Variants in DIP2B observed in about 807,000 individuals in gnomAD.
The protein encoded by DIP2B is DIP2 acetate--CoA ligase B (putative).
A neutral mutation model predicts 198.0 loss-of-function variants in DIP2B; 76 were observed. The observed-to-expected ratio is 0.38, with a 90% CI of 0.32 to 0.46. The LOEUF is 0.46. DIP2B is among the 20% of genes least tolerant of loss of function. The probability of loss-of-function intolerance (pLI) is 0.99; values close to 1 mark genes in which losing one functional copy is unlikely to be tolerated. For missense variants in DIP2B, 1,559 were observed against 1,978.4 expected (o/e 0.79, Z 4.02); for synonymous variants, 701 against 739.1 (o/e 0.95, Z 0.84).
In DIP2B at chr12:50,748,164, GC is replaced by G. The variant is rs1940366096; in HGVS notation, c.*3327del. 6.6e-6 allele frequency: 1 copy of G among 152,550 alleles called. No homozygotes were observed. The highest frequency in any genetic ancestry group is 6.6e-5 in the Admixed American group (1 of 15,264). 9.4% of individuals were successfully genotyped at this position (152,550 alleles called of 1,614,324 possible). Reference sequence around the variant, plus strand: ...CCCAGGCATGGTGCTCTATATCTTGGCCAAATAAATTACTTTCCTTGAATAT... The same window carrying G: ...CCCAGGCATGGTGCTCTATATCTTGGCAAATAAATTACTTTCCTTGAATAT... On this transcript the variant is annotated 3_prime_UTR_variant, in exon 38 of 38. Transcript: ENST00000301180.
chr12:50,540,400 T>C lies in DIP2B; in HGVS notation c.100+35160T>C, dbSNP rs904535746. Among the ~76,000 whole-genome samples the C allele has an allele frequency of 8.7e-4, 124 of 143,286 alleles. No individual in the cohort carries two copies. The Middle Eastern group carries it at 0.012, about 14-fold the overall frequency. 94.0% of individuals were successfully genotyped at this position (143,286 alleles called of 152,430 possible). The stretch of plus-strand genomic sequence containing the variant: ...CTGGGATTACAGGCGTGAGCCACCG[T>C]GCCCAGCCAGCTATGAACATTTTTA... On this transcript the variant is annotated intron_variant, in intron 1 of 37. Transcript: ENST00000301180.
intron 1 of DIP2B, among the ~76,000 whole-genome samples, chr12:50,615,531 T>C (rs915109508): frequency 6.6e-6 from 1 of 152,234 alleles, no homozygotes; most frequent in South Asian, 2.1e-4. Flanking sequence ...GGAGCAACTT[T>C]AGTGATACTT....
chr12:50,728,118 C>G (rs879854876), intron 29 of DIP2B, among the ~76,000 whole-genome samples: 4 of 152,222 alleles, frequency 2.6e-5, no homozygotes, highest in Admixed American at 6.5e-5. Flanking sequence ...CGGTGGCTCA[C>G]GCCTGTTATC....
At chr12:50,677,042 A>G (rs1289910398) in intron 7 of DIP2B, among the ~76,000 whole-genome samples, 3 of 152,206 alleles carry the variant, frequency 2.0e-5, no homozygotes, top group Non-Finnish European at 4.4e-5. Context: ...ATTGAGCTAT[A>G]AAACATTTAT....
intron 1 of DIP2B, among the ~76,000 whole-genome samples, chr12:50,506,605 A>AGC (rs1957970542): frequency 6.6e-6 from 1 of 151,714 alleles, no homozygotes; most frequent in African/African-American, 2.4e-5. Flanking sequence ...TTCTTCGGCC[A>AGC]GTCCCGGGAA....
intron 4 of DIP2B, among the ~76,000 whole-genome samples, chr12:50,665,823 A>G (rs1041242088): frequency 5.9e-5 from 9 of 152,054 alleles, no homozygotes; most frequent in Non-Finnish European, 1.5e-5. Context: ...ACTCACGTGT[A>G]TGCATGGTAC....
intron 3 of DIP2B, among the ~76,000 whole-genome samples, chr12:50,643,142 T>C (rs2464125): frequency 0.96 from 146,158 of 152,176 alleles, 70,478 homozygotes; most frequent in East Asian, 1. Context: ...TGATTTTCAA[T>C]ATTCTATATC....
intron 1 of DIP2B, among the ~76,000 whole-genome samples, chr12:50,600,873 C>G (rs1958928296): frequency 6.6e-6 from 1 of 151,294 alleles, no homozygotes; most frequent in Non-Finnish European, 1.5e-5. Context: ...GGTCTTACCA[C>G]CATCACCACC....
Position 50,560,675 on chromosome 12 carries a change from C to T in DIP2B, c.100+55435C>T, listed in dbSNP as rs139090479. ...CTGAGGCATGAGAATTGCTTGAAGCCGGGAGGCAGAGGTTGCAGTAAGCTG... is the reference window on the plus strand; with the variant it reads ...CTGAGGCATGAGAATTGCTTGAAGCTGGGAGGCAGAGGTTGCAGTAAGCTG... On this transcript the variant is annotated intron_variant, in intron 1 of 37. Transcript: ENST00000301180. Among the ~76,000 whole-genome samples the T allele has an allele frequency of 7.4e-3, 1,129 of 152,276 alleles. 16 individuals carry two copies. Among genetic ancestry groups the T allele is most frequent in the African/African-American group, 0.025 (1,057 of 41,568 alleles).
intron 1 of DIP2B, among the ~76,000 whole-genome samples, chr12:50,593,281 C>T (rs1051593768): frequency 5.3e-5 from 8 of 151,990 alleles, no homozygotes; most frequent in Non-Finnish European, 8.8e-5. Flanking sequence ...CCAAGGTGGG[C>T]GGATCACGAG....
Position 50,649,974 on chromosome 12 carries a change from C to T in DIP2B, c.301+9122C>T, listed in dbSNP as rs149823603. On this transcript the variant is annotated intron_variant, in intron 3 of 37. Transcript: ENST00000301180. ...CTGTAATCCCAACACTTTGGAAAGC[C>T]GAGGCGGGTGGATCACCTGAAGTCA... Among the ~76,000 whole-genome samples the T allele has an allele frequency of 2.6e-3, 398 of 152,236 alleles. 1 individual carries two copies. The highest frequency in any genetic ancestry group is 0.016 in the South Asian group (79 of 4,824).
At chr12:50,516,241 C>CTCTCTCTCTA (rs1555180929) in intron 1 of DIP2B, among the ~76,000 whole-genome samples, 620 of 141,042 alleles carry the variant, frequency 4.4e-3, no homozygotes, top group Middle Eastern at 0.026. Flanking sequence ...CTCTCTCTCT[C>CTCTCTCTCTA]TCTCTATCTC....
At chr12:50,623,463 T>C (rs1937865134) in intron 1 of DIP2B, among the ~76,000 whole-genome samples, 1 of 138,276 alleles carries the variant, frequency 7.2e-6, no homozygotes, top group Admixed American at 7.2e-5. Context: ...TCTCTCTCTC[T>C]CTCTCTCACT....
chr12:50,681,273 A>AT (rs563970883), intron 9 of DIP2B, among the ~76,000 whole-genome samples: 130 of 148,448 alleles, frequency 8.8e-4, no homozygotes, highest in East Asian at 1.6e-3. Flanking sequence ...TCTACAAACA[A>AT]TTTTTTTTTT....
intron 10 of DIP2B, among the ~76,000 whole-genome samples, chr12:50,684,223 T>C (rs190982826): frequency 1.3e-5 from 2 of 152,366 alleles, no homozygotes; most frequent in East Asian, 3.9e-4. Flanking sequence ...ACATTTATAG[T>C]AGTTGAGACC....
At chr12:50,588,675 T>C (rs1958791471) in intron 1 of DIP2B, among the ~76,000 whole-genome samples, 1 of 152,150 alleles carries the variant, frequency 6.6e-6, no homozygotes, top group African/African-American at 2.4e-5. Context: ...TTAGCTAGAA[T>C]TCCGTCTTAA....
At chr12:50,623,435 ACACTCTCTCTCTCT>A (rs1937862415) in intron 1 of DIP2B, among the ~76,000 whole-genome samples, 1 of 41,324 alleles carries the variant, frequency 2.4e-5, no homozygotes, top group African/African-American at 9.5e-5. Context: ...ACACACACAC[ACACTCTCTCTCTCT>A]CTCTCTCTCT....
intron 1 of DIP2B, among the ~76,000 whole-genome samples, chr12:50,617,633 A>T (rs576950706): frequency 2.6e-4 from 39 of 151,450 alleles, no homozygotes; most frequent in African/African-American, 9.5e-4. Flanking sequence ...ACATGGTGAA[A>T]CCCTGTCTTT....
chr12:50,622,615 C>CT (rs902603212), intron 1 of DIP2B, among the ~76,000 whole-genome samples: 19 of 149,128 alleles, frequency 1.3e-4, no homozygotes, highest in South Asian at 2.1e-4. Context: ...CACATTATTC[C>CT]TTTTTTTTTT....
Sources: gnomAD v4.1 joint callset for allele counts (sites outside exome capture counted in the v4.1 genomes callset) on GRCh38, gnomAD v4.1.1 for gene constraint, MANE v1.5 for transcripts, NCBI Gene and HGNC (gene_info 2026-07-23, HGNC 2026-07-21) for gene names.